TSPAN13: variants seen among roughly 807,000 people sequenced by gnomAD.
TSPAN13 encodes tetraspanin-13.
In TSPAN13, 18 loss-of-function variants were observed where a neutral mutation model predicts 26.9. The ratio of observed to expected loss-of-function variants is 0.67; its 90% confidence interval spans 0.46 to 0.99. TSPAN13 has a LOEUF of 0.99. Ranked by LOEUF, TSPAN13 falls within the 50% of genes least tolerant of loss-of-function variation. The probability of loss-of-function intolerance (pLI) is 0.00; values close to 1 mark genes in which losing one functional copy is unlikely to be tolerated. For missense variants in TSPAN13, 201 were observed against 249.6 expected (o/e 0.81, Z 1.31); for synonymous variants, 116 against 98.4 (o/e 1.18, Z -1.06).
At chr7:16,768,295 T>A (rs1784631619) in intron 1 of TSPAN13, among the ~76,000 whole-genome samples, 1 of 152,214 alleles carries the variant, frequency 6.6e-6, no homozygotes, top group Non-Finnish European at 1.5e-5. Flanking sequence ...TATTTTTCAC[T>A]GTACAGTACA....
At chr7:16,765,807 A>T (rs1202771534) in intron 1 of TSPAN13, among the ~76,000 whole-genome samples, 4 of 152,342 alleles carry the variant, frequency 2.6e-5, no homozygotes, top group South Asian at 4.1e-4. Context: ...AGTTGATTTC[A>T]TAAGGAAACT....
At chr7:16,759,373 G>A (rs944061587) in intron 1 of TSPAN13, among the ~76,000 whole-genome samples, 10 of 152,122 alleles carry the variant, frequency 6.6e-5, no homozygotes, top group Non-Finnish European at 1.5e-4. Flanking sequence ...TGTCACATGG[G>A]GAGAGTGAGG....
Position 16,779,022 on chromosome 7 carries a change from A to G in TSPAN13, c.446A>G (p.His149Arg). The G allele has an allele frequency of 6.2e-7, 1 of 1,613,254 alleles. No individual in the cohort carries two copies. The change falls in exon 5 of 6, where the codon CAC (histidine) becomes CGC (arginine). Residue 149 changes from histidine to arginine, a missense_variant. His to Arg is a conservative substitution (Grantham distance 29, BLOSUM62 0). Transcript: ENST00000262067. ...GTGCAGAGCTGTGTTAAAAGTGACC[A>G]CTCGTGCTCGCCATGTGCTCCAATC... ...TCLASCVKSD[H>R]SCSPCAPIIG...
In TSPAN13 at chr7:16,763,690, A is replaced by G. The variant is rs1302800918; in HGVS notation, c.63+9660A>G. ...ATTGACCCTGTTGGCTTATGGACCT[A>G]TCCCTTGGATCAATCACTGTTGATA... On this transcript the variant is annotated intron_variant, in intron 1 of 5. Transcript: ENST00000262067. Among the ~76,000 whole-genome samples, 7 of 152,128 alleles carry G rather than the reference A, an allele frequency of 4.6e-5. No homozygotes were observed. The South Asian group carries it at 1.2e-3, about 27-fold the overall frequency.
intron 1 of TSPAN13, among the ~76,000 whole-genome samples, chr7:16,755,893 T>G (rs1784476834): frequency 6.6e-6 from 1 of 152,176 alleles, no homozygotes; most frequent in African/African-American, 2.4e-5. Flanking sequence ...CTATTCTAAA[T>G]TATTGACCTT....
At chr7:16,756,989 A>G (rs927124160) in intron 1 of TSPAN13, among the ~76,000 whole-genome samples, 1 of 152,224 alleles carries the variant, frequency 6.6e-6, no homozygotes, top group Non-Finnish European at 1.5e-5. Flanking sequence ...TATTCAGTCA[A>G]TAAACTTTTG....
intron 1 of TSPAN13, among the ~76,000 whole-genome samples, chr7:16,759,648 G>A (rs990676636): frequency 6.6e-6 from 1 of 151,628 alleles, no homozygotes; most frequent in Non-Finnish European, 1.5e-5. Context: ...AATCGTCTTT[G>A]AAAAGACCCT....
chr7:16,783,446 C>G lies in TSPAN13; in HGVS notation c.570C>G (p.Tyr190Ter). 1.2e-6 allele frequency: 2 copies of G among 1,613,592 alleles called. No individual in the cohort carries two copies. The highest frequency in any genetic ancestry group is 1.7e-6 in the Non-Finnish European group (2 of 1,179,798). ...EILGVWLTYRYRNQKDPRANP... is the reference protein window; with the variant it reads ...EILGVWLTYR ...TGGGTGTTTGGCTGACCTACAGATA[C>G]AGGAACCAGAAAGACCCCCGCGCGA... The change falls in exon 6 of 6, where the codon TAC becomes TAG. Residue 190 changes from tyrosine (Y) to a stop codon, truncating the protein, a stop_gained. Coordinates refer to ENST00000262067, the MANE Select transcript of TSPAN13 (RefSeq NM_014399.4). LOFTEE classifies it high-confidence loss of function.
chr7:16,776,259 G>C lies in TSPAN13; in HGVS notation c.112G>C (p.Gly38Arg), dbSNP rs182748185. Reference protein sequence around the residue: ...IGIAAWGIGFGLISSLRVVGV... With the variant: ...IGIAAWGIGFRLISSLRVVGV... ...AATTGCTGCGTGGGGCATTGGCTTC[G>C]GGCTGATTTCCAGTCTCCGAGTGGT... The change falls in exon 2 of 6, where the codon GGG becomes CGG. Residue 38 changes from glycine to arginine, a missense_variant. Gly to Arg is a moderately radical substitution (Grantham distance 125). Transcript: ENST00000262067. 10 of 1,613,822 alleles carry C rather than the reference G, an allele frequency of 6.2e-6. No individual in the cohort carries two copies. The highest frequency in any genetic ancestry group is 4.5e-5 in the East Asian group (2 of 44,892).
intron 5 of TSPAN13, among the ~76,000 whole-genome samples, chr7:16,781,931 G>T (rs546983922): frequency 6.6e-6 from 1 of 152,212 alleles, no homozygotes; most frequent in South Asian, 2.1e-4. Flanking sequence ...TCAGATTACC[G>T]AATAAAACCA....
intron 1 of TSPAN13, 35 bp downstream of exon 1, chr7:16,754,065 G>A (rs751580514): frequency 1.3e-5 from 21 of 1,606,806 alleles, no homozygotes; most frequent in Non-Finnish European, 1.7e-5. Context: ...CTCGCTTGGG[G>A]GCTTTGCACC....
chr7:16,754,755 G>A (rs2115317920), intron 1 of TSPAN13, among the ~76,000 whole-genome samples: 2 of 152,200 alleles, frequency 1.3e-5, no homozygotes, highest in South Asian at 4.2e-4. Flanking sequence ...CAACCAGCTT[G>A]GGCCTCTTAG....
At chr7:16,761,690 ATTT>A (rs35451307) in intron 1 of TSPAN13, among the ~76,000 whole-genome samples, 12 of 93,318 alleles carry the variant, frequency 1.3e-4, no homozygotes, top group African/African-American at 3.4e-4. Context: ...CAGCTAATTA[ATTT>A]TTTTTTTTTT....
Position 16,776,488 on chromosome 7 carries a change from C to G in TSPAN13, c.231+110C>G, listed in dbSNP as rs112153503. 1.0e-4 allele frequency: 102 copies of G among 1,016,728 alleles called. No individual in the cohort carries two copies. The African/African-American group carries it at 1.2e-3, about 12-fold the overall frequency. 63.0% of individuals were successfully genotyped at this position (1,016,728 alleles called of 1,614,324 possible). Reference sequence around the variant, plus strand: ...TTGCCAGAAAGCAACTCCAAGCAAGCCTTATGCATATTTGTTCAAGAACTA... The same window carrying G: ...TTGCCAGAAAGCAACTCCAAGCAAGGCTTATGCATATTTGTTCAAGAACTA... On this transcript the variant is annotated intron_variant, in intron 2 of 5. Transcript: ENST00000262067.
At chr7:16,762,492 G>T (rs1282876006) in intron 1 of TSPAN13, among the ~76,000 whole-genome samples, 3 of 152,140 alleles carry the variant, frequency 2.0e-5, no homozygotes, top group Non-Finnish European at 4.4e-5. Context: ...GGATTTGTCA[G>T]CCTGGGAGTA....
At chr7:16,759,699 C>CTT (rs59571826) in intron 1 of TSPAN13, among the ~76,000 whole-genome samples, 37 of 132,454 alleles carry the variant, frequency 2.8e-4, no homozygotes, top group African/African-American at 9.2e-4. Context: ...TTCTTTCTTT[C>CTT]TTTTTTTTTT....
In TSPAN13 at chr7:16,761,254, T is replaced by C. The variant is rs139046274; in HGVS notation, c.63+7224T>C. On this transcript the variant is annotated intron_variant, in intron 1 of 5. Transcript: ENST00000262067. ...GCAAGAGCACTTCAGGCCTTCTGTG[T>C]CATTTGAAGAATGATCATAAAGCAA... Among the ~76,000 whole-genome samples, 499 of 152,354 alleles carry C rather than the reference T, an allele frequency of 3.3e-3. 11 individuals are homozygous for C. The highest frequency in any genetic ancestry group is 0.025 in the Admixed American group (390 of 15,298).
At chr7:16,764,735 G>C (rs1181916894) in intron 1 of TSPAN13, among the ~76,000 whole-genome samples, 2 of 151,942 alleles carry the variant, frequency 1.3e-5, no homozygotes, top group Non-Finnish European at 2.9e-5. Flanking sequence ...CTTATGCATT[G>C]TAATAGTGTC....
Position 16,772,842 on chromosome 7 carries a change from A to G in TSPAN13, c.64-3369A>G, listed in dbSNP as rs958072363. 3.9e-5 allele frequency among the ~76,000 whole-genome samples: 6 copies of G among 152,094 alleles called. No individual in the cohort carries two copies. In the East Asian group the frequency reaches 1.2e-3, roughly 30 times the overall value. ...GAAACCCCGTCTCTACTAAAAATAC[A>G]AAAATTAGCTGGACGTGGTGGCATA... is the stretch of plus-strand genomic sequence containing the variant. On this transcript the variant is annotated intron_variant, in intron 1 of 5. Coordinates refer to ENST00000262067, the MANE Select transcript of TSPAN13 (RefSeq NM_014399.4).
Sources: gnomAD v4.1 joint callset for allele counts (sites outside exome capture counted in the v4.1 genomes callset) on GRCh38, gnomAD v4.1.1 for gene constraint, MANE v1.5 for transcripts, NCBI Gene and HGNC (gene_info 2026-07-23, HGNC 2026-07-21) for gene names.